GALNTL6: variants seen among roughly 807,000 people sequenced by gnomAD.
GALNTL6 encodes polypeptide N-acetylgalactosaminyltransferase like 6, also known as polypeptide N-acetylgalactosaminyltransferase-like 6.
Under a neutral mutation model 73.7 loss-of-function variants are expected in GALNTL6, and 46 were observed. The observed-to-expected ratio is 0.62, with a 90% CI of 0.49 to 0.80. GALNTL6 has a LOEUF of 0.80. GALNTL6 is among the 30% of genes least tolerant of loss of function. The pLI, the probability that GALNTL6 is intolerant of heterozygous loss-of-function variation, is 0.00. For synonymous variants in GALNTL6, 259 were observed against 263.7 expected, an observed-to-expected ratio of 0.98 and a Z score of 0.17; for missense variants, 604 against 755.0, an observed-to-expected ratio of 0.80 and a Z score of 2.34.
chr4:172,035,872 A>G (rs774634256), intron 2 of GALNTL6, among the ~76,000 whole-genome samples: 2 of 152,138 alleles, frequency 1.3e-5, no homozygotes, highest in African/African-American at 2.4e-5. Flanking sequence ...TCTGGCACAC[A>G]TATAAAATCA....
chr4:172,954,976 A>G (rs1055298085), intron 10 of GALNTL6, among the ~76,000 whole-genome samples: 9 of 152,180 alleles, frequency 5.9e-5, no homozygotes, highest in African/African-American at 2.2e-4. Flanking sequence ...AGGCAAGAAG[A>G]AAGGAAATCA....
intron 2 of GALNTL6, among the ~76,000 whole-genome samples, chr4:172,015,588 T>A (rs1741165317): frequency 6.6e-6 from 1 of 152,070 alleles, no homozygotes; most frequent in Non-Finnish European, 1.5e-5. Flanking sequence ...GTTAATCATG[T>A]TACTTGTTGC....
At chr4:172,240,276 T>C (rs1396172338) in intron 3 of GALNTL6, among the ~76,000 whole-genome samples, 1 of 152,088 alleles carries the variant, frequency 6.6e-6, no homozygotes, top group Non-Finnish European at 1.5e-5. Flanking sequence ...CAAGCTGGAG[T>C]GCAGTGGCAC....
chr4:172,899,286 A>G (rs1746495609), intron 8 of GALNTL6, among the ~76,000 whole-genome samples: 1 of 152,228 alleles, frequency 6.6e-6, no homozygotes, highest in Non-Finnish European at 1.5e-5. Flanking sequence ...CTCAGGAAGC[A>G]TAATTGTAGG....
chr4:171,903,368 A>G (rs1027381510), intron 2 of GALNTL6, among the ~76,000 whole-genome samples: 2 of 152,120 alleles, frequency 1.3e-5, no homozygotes, highest in African/African-American at 4.8e-5. Flanking sequence ...TTCCTAGTCA[A>G]AGAAAGGGGT....
chr4:172,818,094 G>A (rs147620820), intron 7 of GALNTL6, among the ~76,000 whole-genome samples: 161 of 152,236 alleles, frequency 1.1e-3, no homozygotes, highest in African/African-American at 3.5e-3. Flanking sequence ...GTTCACACTC[G>A]TTGATGTAAT....
At chr4:172,699,775 C>T (rs2111286195) in intron 5 of GALNTL6, among the ~76,000 whole-genome samples, 1 of 152,046 alleles carries the variant, frequency 6.6e-6, no homozygotes, top group African/African-American at 2.4e-5. Context: ...AAGTTTTGTG[C>T]TTTGGGCCAG....
At chr4:172,539,255 G>A (rs537434533) in intron 5 of GALNTL6, among the ~76,000 whole-genome samples, 10 of 152,238 alleles carry the variant, frequency 6.6e-5, no homozygotes, top group East Asian at 3.9e-4. Context: ...TAGCATCACC[G>A]TTAGCGTTGT....
Position 172,135,299 on chromosome 4 carries a change from G to A in GALNTL6, c.139-94357G>A, listed in dbSNP as rs559392545. Among the ~76,000 whole-genome samples, 4 of 152,106 alleles carry A rather than the reference G, an allele frequency of 2.6e-5. No individual in the cohort carries two copies. In the East Asian group the frequency reaches 7.7e-4, roughly 29 times the overall value. The stretch of plus-strand genomic sequence containing the variant: ...TAAATTAATTCTGCAGAACACTGAA[G>A]TTCTTTAAAATCCATGGAATCCCCA... On this transcript the variant is annotated intron_variant, in intron 2 of 12. Coordinates refer to ENST00000506823, the MANE Select transcript of GALNTL6 (RefSeq NM_001034845.3).
At chr4:172,226,557 CTGTGTGTGTG>C (rs34352455) in intron 2 of GALNTL6, among the ~76,000 whole-genome samples, 1 of 146,494 alleles carries the variant, frequency 6.8e-6, no homozygotes, top group African/African-American at 2.5e-5. Flanking sequence ...GAAAGAAGTT[CTGTGTGTGTG>C]TGTGTGTGTG....
At chr4:171,850,985 C>T (rs1735508705) in intron 2 of GALNTL6, among the ~76,000 whole-genome samples, 1 of 152,080 alleles carries the variant, frequency 6.6e-6, no homozygotes, top group Admixed American at 6.6e-5. Flanking sequence ...ATATTTATAT[C>T]GTAGAGCTTT....
chr4:172,073,913 C>T (rs562961222), intron 2 of GALNTL6, among the ~76,000 whole-genome samples: 3 of 152,154 alleles, frequency 2.0e-5, no homozygotes, highest in Non-Finnish European at 4.4e-5. Context: ...AAGGAGGCAG[C>T]TTTGATGTAA....
chr4:172,546,806 A>ACGTATATATATG (rs1735781058), intron 5 of GALNTL6, among the ~76,000 whole-genome samples: 14 of 99,122 alleles, frequency 1.4e-4, no homozygotes, highest in South Asian at 7.7e-4. Flanking sequence ...ACGTATATAT[A>ACGTATATATATG]CGTATATATA....
intron 3 of GALNTL6, among the ~76,000 whole-genome samples, chr4:172,261,650 G>A (rs555704859): frequency 2.0e-5 from 3 of 150,836 alleles, no homozygotes; most frequent in Non-Finnish European, 4.5e-5. Flanking sequence ...TTTGTTTTTG[G>A]TTTATTCTTG....
At chr4:171,827,359 C>T (rs991812720) in intron 2 of GALNTL6, among the ~76,000 whole-genome samples, 52 of 152,126 alleles carry the variant, frequency 3.4e-4, no homozygotes, top group African/African-American at 1.3e-3. Context: ...ACCGCATGCT[C>T]TGTGACTCAG....
At chr4:172,203,546 A>G (rs1055964042) in intron 2 of GALNTL6, among the ~76,000 whole-genome samples, 7 of 152,296 alleles carry the variant, frequency 4.6e-5, no homozygotes, top group African/African-American at 1.7e-4. Context: ...ATGTCATTCA[A>G]TCCTTCCAAC....
chr4:172,421,010 G>A (rs2111361725), intron 5 of GALNTL6, among the ~76,000 whole-genome samples: 1 of 152,116 alleles, frequency 6.6e-6, no homozygotes, highest in Admixed American at 6.6e-5. Context: ...TCAGGGGGTT[G>A]GGGGCAAGGG....
At chr4:172,703,610 AT>A (rs1465140982) in intron 5 of GALNTL6, among the ~76,000 whole-genome samples, 1 of 151,722 alleles carries the variant, frequency 6.6e-6, no homozygotes, top group Admixed American at 6.6e-5. Context: ...TTTTGTGAGG[AT>A]TTTTGCATCT....
At chr4:172,934,606 T>C (rs1748513348) in intron 9 of GALNTL6, among the ~76,000 whole-genome samples, 1 of 151,940 alleles carries the variant, frequency 6.6e-6, no homozygotes, top group Non-Finnish European at 1.5e-5. Flanking sequence ...CTAGACAGTT[T>C]TACTGAGTCA....
Sources: allele counts gnomAD v4.1 joint callset (sites outside exome capture counted in the v4.1 genomes callset), GRCh38; gene constraint gnomAD v4.1.1; transcripts MANE v1.5; gene names NCBI Gene and HGNC (gene_info 2026-07-23, HGNC 2026-07-21).